USP15: variants seen among roughly 807,000 people sequenced by gnomAD.
USP15 encodes ubiquitin specific peptidase 15, also known as ubiquitin carboxyl-terminal hydrolase 15.
USP15 carries 18 observed loss-of-function variants against 127.1 expected under a neutral mutation model. The observed-to-expected ratio is 0.14, with a 90% CI of 0.10 to 0.21. USP15 has a LOEUF of 0.21. Among genes scored for constraint, USP15 ranks in the 10% least tolerant of loss-of-function variants. The pLI is 1.00. For synonymous variants in USP15, 364 were observed against 393.7 expected (o/e 0.92, Z 0.89); for missense variants, 805 against 1,159.9 (o/e 0.69, Z 4.44).
At chr12:62,338,446 A>C (rs978163641) in intron 6 of USP15, among the ~76,000 whole-genome samples, 13 of 152,044 alleles carry the variant, frequency 8.6e-5, no homozygotes, top group African/African-American at 3.1e-4. Flanking sequence ...CTCTGATGAT[A>C]GTTTCTTTTC....
At chr12:62,284,214 A>G (rs2063730158) in intron 1 of USP15, among the ~76,000 whole-genome samples, 1 of 152,238 alleles carries the variant, frequency 6.6e-6, no homozygotes, top group Non-Finnish European at 1.5e-5. Context: ...TGTACTTCCA[A>G]TCAAAATCTT....
chr12:62,398,206 T>C (rs543427453), intron 20 of USP15, among the ~76,000 whole-genome samples: 1 of 152,024 alleles, frequency 6.6e-6, no homozygotes, highest in South Asian at 2.1e-4. Context: ...GTGCCCAGGC[T>C]GGTCTTGAAC....
chr12:62,353,199 G>A (rs77408299), intron 7 of USP15, among the ~76,000 whole-genome samples: 6,200 of 152,056 alleles, frequency 0.041, 169 homozygotes, highest in African/African-American at 0.058. Context: ...TTATCATTTT[G>A]AGCATCTAGA....
intron 3 of USP15, among the ~76,000 whole-genome samples, chr12:62,311,035 T>C (rs1411967852): frequency 6.6e-6 from 1 of 151,996 alleles, no homozygotes; most frequent in East Asian, 1.9e-4. Flanking sequence ...TTGAGAAATG[T>C]CTATTCATGT....
Position 62,414,493 on chromosome 12 carries a change from A to T in USP15, c.*10118A>T, listed in dbSNP as rs1331381962. ...GTAGCTGGGTCTACAGGCATGTGCC[A>T]CCACACCACACCTGGCTAATTTTTG... On this transcript the variant is annotated 3_prime_UTR_variant, in exon 22 of 22. Coordinates refer to ENST00000280377, the MANE Select transcript of USP15 (RefSeq NM_001252078.2). 1 of 152,220 alleles carries T rather than the reference A, an allele frequency of 6.6e-6. No individual in the cohort carries two copies. Among genetic ancestry groups the T allele is most frequent in the Non-Finnish European group, 1.5e-5 (1 of 68,084 alleles). The allele number at this position is 152,220 out of a possible 1,614,324, so 9.4% of individuals were successfully genotyped here. A position where few individuals can be genotyped will look rare whatever the true frequency, so the allele number is the denominator to read the frequency against.
chr12:62,331,450 G>T (rs922242436), intron 6 of USP15, among the ~76,000 whole-genome samples: 2 of 152,178 alleles, frequency 1.3e-5, no homozygotes, highest in East Asian at 3.9e-4. Flanking sequence ...TGGCATCCAG[G>T]GTTCCCACCC....
chr12:62,349,997 G>A (rs527766624), intron 7 of USP15, among the ~76,000 whole-genome samples: 1 of 151,804 alleles, frequency 6.6e-6, no homozygotes, highest in East Asian at 1.9e-4. Context: ...GAAGAACATT[G>A]ATCTAGAGAT....
At chr12:62,374,326 T>A in intron 8 of USP15, 1 of 948,210 alleles carries the variant, frequency 1.1e-6, no homozygotes, top group African/African-American at 1.8e-5. Context: ...AGTTATAGAA[T>A]GAGTTACACA....
At position 62,400,898 on chromosome 12, in the gene USP15, C is replaced by T. The variant is rs187864960; in HGVS notation, c.2675-289C>T. On this transcript the variant is annotated intron_variant, in intron 20 of 21. Transcript: ENST00000280377. ...TATGCCTGGTACACAGTAAGCACTA[C>T]ATGAATGTTAATTACCATTTATTAT... 2.8e-3 allele frequency among the ~76,000 whole-genome samples: 423 copies of T among 152,030 alleles called. 1 individual carries two copies. Among genetic ancestry groups the T allele is most frequent in the African/African-American group, 9.7e-3 (401 of 41,498 alleles).
At chr12:62,302,712 G>A in intron 2 of USP15, 78 bp from the exon 3 acceptor site, 1 of 1,433,666 alleles carries the variant, frequency 7.0e-7, no homozygotes, top group East Asian at 2.3e-5. Flanking sequence ...ACTTAAATTA[G>A]CCTTCATGAG....
chr12:62,292,970 C>G (rs1450671976), intron 1 of USP15, among the ~76,000 whole-genome samples: 2 of 152,104 alleles, frequency 1.3e-5, no homozygotes, highest in Non-Finnish European at 2.9e-5. Context: ...GTTCCCTGGG[C>G]AAGATAAAGT....
intron 9 of USP15, among the ~76,000 whole-genome samples, chr12:62,383,096 G>A (rs1304775170): frequency 1.3e-5 from 2 of 151,840 alleles, no homozygotes; most frequent in African/African-American, 2.4e-5. Flanking sequence ...TACTAGGAAT[G>A]CAAAACAAAA....
rs141671116 is a variant in USP15, at chr12:62,408,910, T to C, written c.*4535T>C. The stretch of plus-strand genomic sequence containing the variant: ...TATATTAAAAGAATTTCCAAATAGC[T>C]CAGATAAGAAAACTTTGGTTTAAAA... On this transcript the variant is annotated 3_prime_UTR_variant, in exon 22 of 22. Transcript: ENST00000280377. 80 of 152,182 alleles carry C rather than the reference T, an allele frequency of 5.3e-4. 3 individuals carry two copies. The East Asian group carries it at 0.015, about 28-fold the overall frequency. 9.4% of individuals were successfully genotyped at this position (152,182 alleles called of 1,614,324 possible).
At chr12:62,335,214 G>A (rs987610543) in intron 6 of USP15, 15 of 1,535,168 alleles carry the variant, frequency 9.8e-6, no homozygotes, top group African/African-American at 6.9e-5. Context: ...TTCCACATAC[G>A]TCACAGAAAG....
chr12:62,275,226 G>A (rs2063456483), intron 1 of USP15, among the ~76,000 whole-genome samples: 2 of 152,086 alleles, frequency 1.3e-5, no homozygotes, highest in South Asian at 2.1e-4. Flanking sequence ...ATAGGAATTG[G>A]AAATACGATT....
intron 20 of USP15, among the ~76,000 whole-genome samples, chr12:62,398,389 T>G (rs1439463032): frequency 1.3e-5 from 2 of 152,222 alleles, no homozygotes; most frequent in Admixed American, 1.3e-4. Context: ...TCTTACAACT[T>G]CTTGAATTGA....
chr12:62,288,159 G>T (rs1486716976), intron 1 of USP15, among the ~76,000 whole-genome samples: 1 of 151,858 alleles, frequency 6.6e-6, no homozygotes, highest in African/African-American at 2.4e-5. Context: ...AAATTACATT[G>T]AATCTGTAGA....
intron 7 of USP15, among the ~76,000 whole-genome samples, chr12:62,350,264 T>C (rs2065930451): frequency 6.6e-6 from 1 of 152,048 alleles, no homozygotes; most frequent in East Asian, 1.9e-4. Context: ...AAAACACCAA[T>C]AATTAAATTA....
intron 6 of USP15, chr12:62,335,404 A>G (rs2065430668): frequency 7.2e-7 from 1 of 1,392,314 alleles, no homozygotes; most frequent in Non-Finnish European, 9.3e-7. Context: ...GTATTGTAAA[A>G]TTGTTGTACT....
Sources: allele counts gnomAD v4.1 joint callset (sites outside exome capture counted in the v4.1 genomes callset), GRCh38; gene constraint gnomAD v4.1.1; transcripts MANE v1.5; gene names NCBI Gene and HGNC (gene_info 2026-07-23, HGNC 2026-07-21).